Variants in DAB1 observed in about 807,000 individuals in gnomAD.
DAB1 encodes DAB adaptor protein 1.
DAB1 carries 15 observed loss-of-function variants against 64.6 expected under a neutral mutation model. That is an observed-to-expected ratio of 0.23 (90% CI 0.16 to 0.36). The LOEUF is 0.36. DAB1 is among the 10% of genes least tolerant of loss of function. The pLI is 1.00. For missense variants in DAB1, 596 were observed against 706.7 expected (o/e 0.84, Z 1.78); for synonymous variants, 235 against 251.9 (o/e 0.93, Z 0.64).
At chr1:57,480,761 A>G (rs1030115445) in intron 7 of DAB1, among the ~76,000 whole-genome samples, 1 of 152,318 alleles carries the variant, frequency 6.6e-6, no homozygotes. Flanking sequence ...TTGCGATTAT[A>G]GGCATGAGCC....
At chr1:58,473,314 G>C (rs958426523) in intron 3 of DAB1, among the ~76,000 whole-genome samples, 4 of 151,426 alleles carry the variant, frequency 2.6e-5, no homozygotes, top group African/African-American at 9.7e-5. Flanking sequence ...AGGCCGAGGC[G>C]GGTGGATCAC....
At chr1:57,827,977 G>A (rs113792746) in intron 1 of DAB1, among the ~76,000 whole-genome samples, 1 of 152,046 alleles carries the variant, frequency 6.6e-6, no homozygotes, top group African/African-American at 2.4e-5. Flanking sequence ...ATGGAGTCTC[G>A]CTCTGTCGCC....
intron 7 of DAB1, among the ~76,000 whole-genome samples, chr1:57,495,944 C>T (rs1249997963): frequency 6.6e-6 from 1 of 152,150 alleles, no homozygotes. Context: ...AAGGCATCTT[C>T]TTCATTTCTG....
intron 5 of DAB1, among the ~76,000 whole-genome samples, chr1:58,116,228 C>G (rs1358488882): frequency 2.0e-5 from 3 of 152,138 alleles, no homozygotes; most frequent in Non-Finnish European, 4.4e-5. Context: ...GAGGCAACCA[C>G]TTTGTGAATA....
intron 6 of DAB1, among the ~76,000 whole-genome samples, chr1:57,680,868 T>C (rs1646627902): frequency 6.6e-6 from 1 of 152,180 alleles, no homozygotes; most frequent in South Asian, 2.1e-4. Flanking sequence ...CAATCTAATT[T>C]TCAGAAGTAA....
chr1:57,253,043 C>G (rs1669471187), intron 2 of DAB1, among the ~76,000 whole-genome samples: 1 of 152,158 alleles, frequency 6.6e-6, no homozygotes, highest in African/African-American at 2.4e-5. Flanking sequence ...CTCTTTCATT[C>G]CACCCTACTG....
At chr1:57,783,816 A>C (rs1650219086) in intron 6 of DAB1, among the ~76,000 whole-genome samples, 1 of 152,172 alleles carries the variant, frequency 6.6e-6, no homozygotes, top group Non-Finnish European at 1.5e-5. Flanking sequence ...GGGCACCACA[A>C]ACTGCACCCA....
chr1:57,498,108 C>T (rs1334996751), intron 7 of DAB1, among the ~76,000 whole-genome samples: 1 of 152,188 alleles, frequency 6.6e-6, no homozygotes, highest in Non-Finnish European at 1.5e-5. Context: ...AAGTATAACT[C>T]AGATTCTTAT....
intron 7 of DAB1, among the ~76,000 whole-genome samples, chr1:57,564,015 T>C (rs1372902956): frequency 6.6e-6 from 1 of 152,064 alleles, no homozygotes; most frequent in East Asian, 1.9e-4. Context: ...GACCCCTGAG[T>C]AGCCAAACTG....
chr1:57,735,154 C>G (rs527539292), intron 6 of DAB1, among the ~76,000 whole-genome samples: 9 of 151,986 alleles, frequency 5.9e-5, no homozygotes, highest in Non-Finnish European at 1.0e-4. Context: ...TTTTGGAGAC[C>G]AAGTGAAGAC....
intron 1 of DAB1, among the ~76,000 whole-genome samples, chr1:57,412,179 G>A (rs1385044353): frequency 6.6e-6 from 1 of 152,180 alleles, no homozygotes; most frequent in East Asian, 1.9e-4. Context: ...AATGCTGTAT[G>A]TTTTCTAACT....
chr1:57,371,258 C>T (rs989797672), intron 1 of DAB1, among the ~76,000 whole-genome samples: 7 of 152,166 alleles, frequency 4.6e-5, no homozygotes, highest in African/African-American at 1.4e-4. Flanking sequence ...TGGCCACCGT[C>T]GAGTATCCCA....
At chr1:58,443,896 C>A (rs962518716) in intron 3 of DAB1, among the ~76,000 whole-genome samples, 1 of 152,168 alleles carries the variant, frequency 6.6e-6, no homozygotes, top group Non-Finnish European at 1.5e-5. Flanking sequence ...TCTATTTTTT[C>A]TAACTCTGCC....
At chr1:57,181,969 T>C (rs1189804239) in intron 2 of DAB1, among the ~76,000 whole-genome samples, 1 of 152,182 alleles carries the variant, frequency 6.6e-6, no homozygotes, top group Non-Finnish European at 1.5e-5. Flanking sequence ...TACTGCAACC[T>C]CTGCCTCCTG....
At chr1:58,389,927 G>A (rs1644462774) in intron 3 of DAB1, among the ~76,000 whole-genome samples, 1 of 152,134 alleles carries the variant, frequency 6.6e-6, no homozygotes, top group African/African-American at 2.4e-5. Context: ...TGAGGTGGTA[G>A]CTGCCTGCCG....
intron 6 of DAB1, among the ~76,000 whole-genome samples, chr1:57,690,344 G>T (rs6683956): frequency 0.5 from 75,765 of 151,760 alleles, 19,116 homozygotes; most frequent in East Asian, 0.7. Context: ...GGGGCATGGT[G>T]GGGGGTAATT....
At chr1:57,240,876 G>T (rs1668446194) in intron 2 of DAB1, among the ~76,000 whole-genome samples, 1 of 152,042 alleles carries the variant, frequency 6.6e-6, no homozygotes, top group South Asian at 2.1e-4. Context: ...CTTCCCTCTG[G>T]GATTTACCCT....
intron 6 of DAB1, among the ~76,000 whole-genome samples, chr1:57,703,806 C>T (rs2101734227): frequency 6.6e-6 from 1 of 152,174 alleles, no homozygotes; most frequent in Middle Eastern, 3.4e-3. Context: ...CAATAATAGA[C>T]TGGATAAAGA....
chr1:57,705,645 A>G (rs1646958029), intron 6 of DAB1, among the ~76,000 whole-genome samples: 1 of 152,154 alleles, frequency 6.6e-6, no homozygotes, highest in Non-Finnish European at 1.5e-5. Flanking sequence ...TAAATGAATA[A>G]ATAGCTTAAA....
Sources: allele counts gnomAD v4.1 joint callset (sites outside exome capture counted in the v4.1 genomes callset), GRCh38; gene constraint gnomAD v4.1.1; transcripts MANE v1.5; gene names NCBI Gene and HGNC (gene_info 2026-07-23, HGNC 2026-07-21).